PKP4: variants seen among roughly 807,000 people sequenced by gnomAD.
PKP4 encodes the protein plakophilin-4.
In PKP4, 90 loss-of-function variants were observed where a neutral mutation model predicts 145.1. The ratio of observed to expected loss-of-function variants is 0.62; its 90% CI spans 0.52 to 0.74. The LOEUF (loss-of-function observed/expected upper bound fraction) is 0.74. Ranked by LOEUF, PKP4 falls within the 30% of genes least tolerant of loss-of-function variation. The pLI is 0.00. For synonymous variants in PKP4, 563 were observed against 577.2 expected, an observed-to-expected ratio of 0.98 and a Z score of 0.35; for missense variants, 1,340 against 1,482.7, an observed-to-expected ratio of 0.90 and a Z score of 1.58.
intron 2 of PKP4, among the ~76,000 whole-genome samples, chr2:158,573,151 G>A (rs552919457): frequency 2.6e-5 from 4 of 152,208 alleles, no homozygotes; most frequent in African/African-American, 9.6e-5. Context: ...TGTGATAGCC[G>A]TGCAATGGAA....
intron 3 of PKP4, among the ~76,000 whole-genome samples, chr2:158,590,948 A>G (rs925074316): frequency 3.9e-5 from 6 of 152,166 alleles, no homozygotes; most frequent in Admixed American, 1.3e-4. Flanking sequence ...GATACGATGC[A>G]ATGAGAAGTA....
chr2:158,591,287 T>C (rs542921965), intron 3 of PKP4, among the ~76,000 whole-genome samples: 177 of 152,224 alleles, frequency 1.2e-3, no homozygotes, highest in African/African-American at 4.1e-3. Flanking sequence ...AGATACTTGT[T>C]GATACTAAAA....
chr2:158,640,467 T>C (rs1422036439), intron 9 of PKP4, among the ~76,000 whole-genome samples, 160 bp from the exon 10 acceptor site: 1 of 152,240 alleles, frequency 6.6e-6, no homozygotes, highest in Non-Finnish European at 1.5e-5. Flanking sequence ...TCTGCATATG[T>C]TCATCAGGGG....
chr2:158,533,892 C>T (rs915020120), intron 2 of PKP4, among the ~76,000 whole-genome samples: 3 of 151,988 alleles, frequency 2.0e-5, no homozygotes, highest in Non-Finnish European at 4.4e-5. Context: ...ACTCAAGTAA[C>T]CTCCTATATT....
chr2:158,477,973 C>G (rs1692755897), intron 1 of PKP4, among the ~76,000 whole-genome samples: 1 of 152,094 alleles, frequency 6.6e-6, no homozygotes, highest in African/African-American at 2.4e-5. Context: ...AACTGATAAG[C>G]CAGGGACAAG....
chr2:158,603,598 G>T (rs1480633308), intron 4 of PKP4, among the ~76,000 whole-genome samples: 1 of 152,058 alleles, frequency 6.6e-6, no homozygotes, highest in Non-Finnish European at 1.5e-5. Flanking sequence ...CACCACATAG[G>T]AAGGATGAAT....
chr2:158,676,560 C>T (rs1041865937), intron 19 of PKP4, among the ~76,000 whole-genome samples, 179 bp from the exon 20 acceptor site: 1 of 152,224 alleles, frequency 6.6e-6, no homozygotes, highest in African/African-American at 2.4e-5. Context: ...GCAGGTAGCA[C>T]TTGCAGTACT....
chr2:158,559,632 T>A (rs555852779), intron 2 of PKP4, among the ~76,000 whole-genome samples: 8 of 152,270 alleles, frequency 5.3e-5, no homozygotes, highest in Admixed American at 3.3e-4. Flanking sequence ...GTAAGCTTGA[T>A]CTTTTCCTGT....
chr2:158,634,122 C>T lies in PKP4; in HGVS notation c.1395C>T (p.Tyr465=), dbSNP rs753790177. 5.0e-6 allele frequency: 8 copies of T among 1,613,870 alleles called. No homozygotes were observed. The highest frequency in any genetic ancestry group is 5.9e-6 in the Non-Finnish European group (7 of 1,179,874). Residue 465 remains tyrosine, a synonymous_variant, in exon 9 of 22, where the codon TAC becomes TAT. Coordinates refer to ENST00000389759, the MANE Select transcript of PKP4 (RefSeq NM_003628.6). ...RTSSQRSTLT[Y]QRNNYALNTT... ...CCAGCCAACGAAGTACCCTTACATA[C>T]CAAAGAAATAATTATGCTCTGAACA...
chr2:158,528,224 CT>C (rs1484912305), intron 1 of PKP4, among the ~76,000 whole-genome samples: 1 of 99,084 alleles, frequency 1.0e-5, no homozygotes, highest in East Asian at 2.3e-4. Context: ...ATAGCAAAGA[CT>C]TGGAACCAAT....
At chr2:158,649,615 C>T (rs1388144680) in intron 11 of PKP4, among the ~76,000 whole-genome samples, 1 of 152,180 alleles carries the variant, frequency 6.6e-6, no homozygotes, top group Non-Finnish European at 1.5e-5. Flanking sequence ...ATTCAACCCT[C>T]TAAGTGGAAT....
At position 158,681,344 on chromosome 2, in the gene PKP4, A is replaced by G. The variant is rs1382175831; in HGVS notation, c.*667A>G. The G allele has an allele frequency of 6.6e-6, 1 of 152,644 alleles. No homozygotes were observed. Among genetic ancestry groups the G allele is most frequent in the Non-Finnish European group, 1.5e-5 (1 of 68,056 alleles). 9.5% of individuals were successfully genotyped at this position (152,644 alleles called of 1,614,324 possible). A position where few individuals can be genotyped will look rare whatever the true frequency, so the allele number is the denominator to read the frequency against. On this transcript the variant is annotated 3_prime_UTR_variant, in exon 22 of 22. Transcript: ENST00000389759. ...AGGCTGGTACCGCAGCGCCATGCCC[A>G]TTCCTCGCCTCATTCATAGGACACT...
intron 7 of PKP4, among the ~76,000 whole-genome samples, chr2:158,626,191 C>G (rs538817584): frequency 6.6e-6 from 1 of 152,240 alleles, no homozygotes; most frequent in South Asian, 2.1e-4. Flanking sequence ...TCACCCAGTC[C>G]CATCACAGTT....
At chr2:158,605,717 G>A (rs1477375710) in intron 4 of PKP4, among the ~76,000 whole-genome samples, 1 of 151,822 alleles carries the variant, frequency 6.6e-6, no homozygotes, top group African/African-American at 2.4e-5. Context: ...TCTGACTTGT[G>A]CATCTATCAC....
chr2:158,472,958 T>C (rs1472774312), intron 1 of PKP4, among the ~76,000 whole-genome samples: 4 of 152,128 alleles, frequency 2.6e-5, no homozygotes, highest in Non-Finnish European at 2.9e-5. Flanking sequence ...GGAACTTAAA[T>C]TTACAAGAGA....
chr2:158,658,110 T>A, intron 11 of PKP4, 21 bp from the exon 12 acceptor site: 1 of 1,429,150 alleles, frequency 7.0e-7, no homozygotes, highest in African/African-American at 1.4e-5. Flanking sequence ...TTTGTTTGAT[T>A]TTTTAAATCT....
intron 2 of PKP4, among the ~76,000 whole-genome samples, chr2:158,553,269 G>A (rs966646287): frequency 6.6e-6 from 1 of 152,188 alleles, no homozygotes; most frequent in African/African-American, 2.4e-5. Flanking sequence ...TTCACTTTTA[G>A]GAAAGTGCTC....
At chr2:158,543,901 A>G (rs1009078636) in intron 2 of PKP4, among the ~76,000 whole-genome samples, 22 of 152,192 alleles carry the variant, frequency 1.4e-4, no homozygotes, top group Non-Finnish European at 2.6e-4. Context: ...AGCACTTACT[A>G]TGGGTATCAC....
intron 2 of PKP4, among the ~76,000 whole-genome samples, chr2:158,545,267 CTGT>C (rs775397336): frequency 6.6e-6 from 1 of 151,994 alleles, no homozygotes; most frequent in Non-Finnish European, 1.5e-5. Context: ...TTTCCTTTTC[CTGT>C]TCCCTTAGCT....
Sources: gnomAD v4.1 joint callset for allele counts (sites outside exome capture counted in the v4.1 genomes callset) on GRCh38, gnomAD v4.1.1 for gene constraint, MANE v1.5 for transcripts, NCBI Gene and HGNC (gene_info 2026-07-23, HGNC 2026-07-21) for gene names.